The following SOX5 variants were observed in gnomAD, a reference collection of about 807,000 sequenced individuals.
The protein encoded by SOX5 is SRY-box transcription factor 5.
In SOX5, 9 loss-of-function variants were observed where a neutral mutation model predicts 92.0. The observed-to-expected ratio is 0.10, with a 90% CI of 0.06 to 0.17. The LOEUF (loss-of-function observed/expected upper bound fraction) is 0.17, where lower values mean the gene tolerates loss of function less well. Among genes scored for constraint, SOX5 ranks in the 10% least tolerant of loss-of-function variants. The pLI, the probability that SOX5 is intolerant of heterozygous loss-of-function variation, is 1.00. For synonymous variants in SOX5, 344 were observed against 336.3 expected (o/e 1.02, Z -0.25); for missense variants, 642 against 944.5 (o/e 0.68, Z 4.20).
At chr12:24,520,762 G>A (rs1323528253) in intron 1 of SOX5, among the ~76,000 whole-genome samples, 1 of 152,180 alleles carries the variant, frequency 6.6e-6, no homozygotes, top group African/African-American at 2.4e-5. Flanking sequence ...TTTAGAATTA[G>A]AGATACACAT....
In SOX5 at chr12:24,242,236, T is replaced by G. The variant is rs373780587; in HGVS notation, c.-76-28819A>C. On this transcript the variant is annotated intron_variant, in intron 3 of 4. Coordinates refer to the SOX5 transcript ENST00000446891. Reference sequence around the variant, plus strand: ...AGCTATACACTGGTTAGAAGCTATTTTTTGATATAGAAGTGGAGAAAAATG... The same window carrying G: ...AGCTATACACTGGTTAGAAGCTATTGTTTGATATAGAAGTGGAGAAAAATG... 1.1e-4 allele frequency among the ~76,000 whole-genome samples: 17 copies of G among 152,340 alleles called. No individual in the cohort carries two copies. The South Asian group carries it at 3.3e-3, about 30-fold the overall frequency.
rs146666583 is a variant in SOX5, at chr12:24,259,794, G to A, written c.-77+17422C>T. 5.3e-3 allele frequency among the ~76,000 whole-genome samples: 806 copies of A among 152,286 alleles called. 13 individuals are homozygous for A. Among genetic ancestry groups the A allele is most frequent in the African/African-American group, 0.019 (778 of 41,552 alleles). On this transcript the variant is annotated intron_variant, in intron 3 of 4. Transcript: ENST00000446891. ...CAAAATAAAAGAATTTCTATAGTCG[G>A]TGGGACGTTGAAACAGCCTAAATAC...
intron 1 of SOX5, among the ~76,000 whole-genome samples, chr12:23,940,598 AAAG>A (rs887546920): frequency 5.3e-5 from 8 of 151,374 alleles, no homozygotes; most frequent in African/African-American, 1.9e-4. Flanking sequence ...CTCAGTTTTT[AAAG>A]AAGAACTAGA....
chr12:24,001,979 A>C (rs1473246575), intron 4 of SOX5, among the ~76,000 whole-genome samples: 1 of 152,130 alleles, frequency 6.6e-6, no homozygotes, highest in African/African-American at 2.4e-5. Context: ...AAGTTAAATA[A>C]ATAAATAAAA....
rs534054324 is a variant in SOX5, at chr12:23,990,430, C to T, written c.-1-94406G>A. ...CTCACCATATTTCCCATAACTCCCTCGCAATACAATTACTTGTCCTTCCCT... is the reference window on the plus strand; with the variant it reads ...CTCACCATATTTCCCATAACTCCCTTGCAATACAATTACTTGTCCTTCCCT... On this transcript the variant is annotated intron_variant, in intron 4 of 4. Transcript: ENST00000446891. Among the ~76,000 whole-genome samples the T allele has an allele frequency of 7.9e-4, 121 of 152,272 alleles. 2 individuals are homozygous for T. In the South Asian group the frequency reaches 0.021, roughly 26 times the overall value.
intron 1 of SOX5, among the ~76,000 whole-genome samples, chr12:24,442,520 A>C (rs919953281): frequency 6.6e-6 from 1 of 152,232 alleles, no homozygotes; most frequent in African/African-American, 2.4e-5. Flanking sequence ...CAGGGAGCAG[A>C]GAGCGGGTGC....
At chr12:24,547,960 C>T (rs2138902062) in intron 1 of SOX5, among the ~76,000 whole-genome samples, 1 of 152,278 alleles carries the variant, frequency 6.6e-6, no homozygotes, top group East Asian at 1.9e-4. Context: ...TAATAAGACA[C>T]AGGGTTCTGA....
intron 7 of SOX5, among the ~76,000 whole-genome samples, chr12:23,660,820 A>G (rs2082940504): frequency 6.6e-6 from 1 of 152,214 alleles, no homozygotes; most frequent in Admixed American, 6.5e-5. Context: ...TCTTAAAAAC[A>G]AAGGAAATAT....
intron 4 of SOX5, among the ~76,000 whole-genome samples, chr12:24,177,861 C>T (rs1329350981): frequency 6.6e-6 from 1 of 152,146 alleles, no homozygotes; most frequent in African/African-American, 2.4e-5. Flanking sequence ...TCAAAAGATG[C>T]ATTGCGATAA....
At chr12:24,449,340 TCCTCCATAA>T (rs1162899951) in intron 1 of SOX5, among the ~76,000 whole-genome samples, 15 of 152,228 alleles carry the variant, frequency 9.9e-5, no homozygotes, top group African/African-American at 3.6e-4. Context: ...TTCTCTCTGT[TCCTCCATAA>T]CCTCAAGTTT....
At chr12:23,555,181 T>G (rs1212257580) in intron 11 of SOX5, among the ~76,000 whole-genome samples, 2 of 152,210 alleles carry the variant, frequency 1.3e-5, no homozygotes, top group African/African-American at 4.8e-5. Context: ...CTATGCATTA[T>G]GGAAATAATA....
intron 3 of SOX5, among the ~76,000 whole-genome samples, chr12:23,842,138 T>C (rs2096526058): frequency 6.6e-6 from 1 of 152,142 alleles, no homozygotes; most frequent in African/African-American, 2.4e-5. Context: ...TCTGTAAGAC[T>C]AAAAGCAAAA....
chr12:24,312,452 C>T (rs1949275316), intron 2 of SOX5, among the ~76,000 whole-genome samples: 2 of 152,180 alleles, frequency 1.3e-5, no homozygotes, highest in Middle Eastern at 3.2e-3. Context: ...CCTTTACCTG[C>T]TCTACTTTAT....
intron 3 of SOX5, among the ~76,000 whole-genome samples, chr12:24,247,113 G>A (rs942954063): frequency 1.4e-4 from 22 of 152,170 alleles, no homozygotes; most frequent in Non-Finnish European, 2.9e-4. Context: ...TCATTCACAC[G>A]AAATATATTT....
intron 3 of SOX5, among the ~76,000 whole-genome samples, chr12:24,256,414 A>G (rs1480296149): frequency 6.6e-6 from 1 of 152,106 alleles, no homozygotes; most frequent in Admixed American, 6.5e-5. Context: ...TACTTTAATT[A>G]CCATTCAGAG....
chr12:23,884,805 A>G (rs2097045042), intron 2 of SOX5, among the ~76,000 whole-genome samples: 1 of 152,178 alleles, frequency 6.6e-6, no homozygotes, highest in African/African-American at 2.4e-5. Flanking sequence ...CACTGGGTTA[A>G]TATACGATTG....
intron 4 of SOX5, among the ~76,000 whole-genome samples, chr12:24,092,312 T>G (rs931306853): frequency 4.7e-5 from 3 of 63,632 alleles, no homozygotes; most frequent in Non-Finnish European, 8.0e-5. Context: ...GCTGCGGAAT[T>G]TTTTTTTTTC....
intron 1 of SOX5, among the ~76,000 whole-genome samples, chr12:24,390,985 G>T (rs1176374067): frequency 6.6e-6 from 1 of 152,030 alleles, no homozygotes; most frequent in Non-Finnish European, 1.5e-5. Flanking sequence ...TCTATTTTTA[G>T]TTCTTTGATA....
At chr12:23,745,124 G>A (rs1204435807) in intron 4 of SOX5, among the ~76,000 whole-genome samples, 1 of 152,042 alleles carries the variant, frequency 6.6e-6, no homozygotes, top group African/African-American at 2.4e-5. Context: ...TATGAATTAG[G>A]GTTGGTGGGT....
Sources: allele counts gnomAD v4.1 joint callset (sites outside exome capture counted in the v4.1 genomes callset), GRCh38; gene constraint gnomAD v4.1.1; transcripts MANE v1.5; gene names NCBI Gene and HGNC (gene_info 2026-07-23, HGNC 2026-07-21).